The following PTGIS variants were observed in gnomAD, a reference collection of about 807,000 sequenced individuals.
PTGIS encodes prostacyclin synthase.
PTGIS carries 45 observed loss-of-function variants against 50.3 expected under a neutral mutation model. That is an observed-to-expected ratio of 0.90 (90% CI 0.70 to 1.15). PTGIS has a LOEUF of 1.15. PTGIS is among the 50% of genes most tolerant of loss of function. The pLI is 0.00. For missense variants in PTGIS, 668 were observed against 661.3 expected (o/e 1.01, Z -0.11); for synonymous variants, 260 against 267.7 (o/e 0.97, Z 0.28).
chr20:49,555,251 C>T (rs530907182), intron 1 of PTGIS, among the ~76,000 whole-genome samples: 16 of 148,268 alleles, frequency 1.1e-4, no homozygotes, highest in South Asian at 2.2e-4. Flanking sequence ...CCAACCTGGG[C>T]GACAAAGTGA....
intron 5 of PTGIS, among the ~76,000 whole-genome samples, chr20:49,531,365 G>T (rs1427664018): frequency 6.6e-6 from 1 of 152,138 alleles, no homozygotes; most frequent in Non-Finnish European, 1.5e-5. Context: ...TGTAGTTAAA[G>T]GGGGAGTCTG....
chr20:49,555,712 C>A (rs563675864), intron 1 of PTGIS, among the ~76,000 whole-genome samples: 1 of 152,188 alleles, frequency 6.6e-6, no homozygotes, highest in Non-Finnish European at 1.5e-5. Context: ...ATACCACAGA[C>A]GTAACCAAAT....
intron 5 of PTGIS, 105 bp from the exon 6 acceptor site, chr20:49,524,344 C>T: frequency 1.5e-6 from 2 of 1,326,078 alleles, no homozygotes; most frequent in South Asian, 1.3e-5. Context: ...CTGAATGTCA[C>T]TCATTGAGGG....
chr20:49,533,862 G>A (rs1290388246), intron 5 of PTGIS, among the ~76,000 whole-genome samples: 1 of 152,148 alleles, frequency 6.6e-6, no homozygotes, highest in African/African-American at 2.4e-5. Flanking sequence ...TCGGGGGGCT[G>A]AGGCAGGAGA....
intron 1 of PTGIS, among the ~76,000 whole-genome samples, chr20:49,552,517 T>TTC (rs142485904): frequency 9.3e-5 from 14 of 151,306 alleles, no homozygotes; most frequent in Non-Finnish European, 1.6e-4. Context: ...CCCTCTTTCT[T>TTC]TCTCTCTCTC....
intron 5 of PTGIS, among the ~76,000 whole-genome samples, chr20:49,535,899 T>C (rs1982056351): frequency 6.6e-6 from 1 of 152,240 alleles, no homozygotes; most frequent in South Asian, 2.1e-4. Flanking sequence ...TTATTATTGA[T>C]TTTCTGGGGT....
chr20:49,551,360 C>T (rs185645053), intron 1 of PTGIS, among the ~76,000 whole-genome samples: 52 of 152,322 alleles, frequency 3.4e-4, no homozygotes, highest in Admixed American at 1.6e-3. Context: ...CTGAAGCCTG[C>T]TACCTGGAGG....
intron 5 of PTGIS, among the ~76,000 whole-genome samples, chr20:49,536,847 C>T (rs1033919667): frequency 3.9e-5 from 6 of 152,070 alleles, no homozygotes; most frequent in Non-Finnish European, 8.8e-5. Context: ...TCCTGCTGTT[C>T]CCCCCATTTT....
chr20:49,508,189 A>G, intron 9 of PTGIS, 125 bp from the exon 10 acceptor site: 1 of 1,149,120 alleles, frequency 8.7e-7, no homozygotes, highest in Non-Finnish European at 1.3e-6. Context: ...TGAGGAGAGG[A>G]GTGAGGAAGT....
At chr20:49,508,286 T>C (rs1981211416) in intron 9 of PTGIS, among the ~76,000 whole-genome samples, 2 of 152,204 alleles carry the variant, frequency 1.3e-5, no homozygotes, top group South Asian at 2.1e-4. Context: ...GAATGGGCTG[T>C]GTGCAGAAGT....
chr20:49,539,064 A>G (rs1312478670), intron 5 of PTGIS, among the ~76,000 whole-genome samples: 1 of 152,140 alleles, frequency 6.6e-6, no homozygotes, highest in Non-Finnish European at 1.5e-5. Flanking sequence ...CTTCAAAAAT[A>G]AAATAAAAAT....
rs1301133820 is a variant in PTGIS at position 49,539,581 on chromosome 20, G to T, written c.662C>A (p.Ser221Tyr). The T allele has an allele frequency of 6.2e-7, 1 of 1,613,632 alleles. No homozygotes were observed. The highest frequency in any genetic ancestry group is 8.5e-7 in the Non-Finnish European group (1 of 1,179,914). Residue 221 changes from serine to tyrosine, a missense_variant, in exon 5 of 10, where the codon TCC becomes TAC. By Grantham distance (144) the Ser-to-Tyr change is moderately radical. Transcript: ENST00000244043. ...CCCATGGTGCTTACCCACTGACAGG[G>T]AGCCACGGGCCAGTTTGGGGAGCAG... ...DRLLPKLARG[S>Y]LSVGDKDHMC...
At chr20:49,525,596 T>TAAAA (rs772604371) in intron 5 of PTGIS, among the ~76,000 whole-genome samples, 1 of 151,154 alleles carries the variant, frequency 6.6e-6, no homozygotes, top group South Asian at 2.1e-4. Context: ...TTTTTTTTTT[T>TAAAA]AAAATATTTT....
intron 5 of PTGIS, among the ~76,000 whole-genome samples, chr20:49,537,245 G>A (rs927306473): frequency 1.3e-5 from 2 of 152,198 alleles, no homozygotes; most frequent in East Asian, 1.9e-4. Flanking sequence ...GAAGTTGGGG[G>A]CACATGGCCC....
At chr20:49,534,237 G>A (rs550512718) in intron 5 of PTGIS, among the ~76,000 whole-genome samples, 2 of 152,344 alleles carry the variant, frequency 1.3e-5, no homozygotes, top group South Asian at 2.1e-4. Flanking sequence ...AAGCATTTAT[G>A]TAGGATAAAT....
chr20:49,558,295 T>C (rs1982671488), intron 1 of PTGIS, among the ~76,000 whole-genome samples: 1 of 152,036 alleles, frequency 6.6e-6, no homozygotes, highest in Non-Finnish European at 1.5e-5. Flanking sequence ...AGGCTGAGTT[T>C]GGGGGATCAC....
intron 1 of PTGIS, among the ~76,000 whole-genome samples, chr20:49,562,455 T>C (rs941531776): frequency 6.6e-6 from 1 of 152,110 alleles, no homozygotes; most frequent in Non-Finnish European, 1.5e-5. Context: ...CCTCCAGCCT[T>C]GGGCCCTCAA....
At chr20:49,549,988 G>T in intron 2 of PTGIS, 78 bp downstream of exon 2, 1 of 1,610,222 alleles carries the variant, frequency 6.2e-7, no homozygotes, top group Non-Finnish European at 8.5e-7. Flanking sequence ...AGGGACATAT[G>T]TTGAAGGAAT....
At chr20:49,544,224 G>C in intron 4 of PTGIS, 81 bp downstream of exon 4, 1 of 1,576,938 alleles carries the variant, frequency 6.3e-7, no homozygotes, top group Non-Finnish European at 8.6e-7. Context: ...GAGTCCTCAC[G>C]GTTCCCTTGG....
Sources: allele counts gnomAD v4.1 joint callset (sites outside exome capture counted in the v4.1 genomes callset), GRCh38; gene constraint gnomAD v4.1.1; transcripts MANE v1.5; gene names NCBI Gene and HGNC (gene_info 2026-07-23, HGNC 2026-07-21).